Variants in SLC1A6 observed in about 807,000 individuals in gnomAD.
SLC1A6 encodes the protein excitatory amino acid transporter 4.
Under a neutral mutation model 42.1 loss-of-function variants are expected in SLC1A6, and 15 were observed. The observed-to-expected ratio is 0.36, with a 90% CI of 0.24 to 0.55. The LOEUF is 0.55. Among genes scored for constraint, SLC1A6 ranks in the 20% least tolerant of loss-of-function variants. SLC1A6 has a pLI of 0.88. For missense variants in SLC1A6, 542 were observed against 772.5 expected (o/e 0.70, Z 3.54); for synonymous variants, 317 against 319.7 (o/e 0.99, Z 0.09).
intron 1 of SLC1A6, among the ~76,000 whole-genome samples, chr19:14,996,026 G>A (rs917772065): frequency 6.6e-6 from 1 of 152,150 alleles, no homozygotes; most frequent in African/African-American, 2.4e-5. Flanking sequence ...AATGCAGAAA[G>A]AATAGAAGGA....
chr19:14,959,599 T>C (rs894665712), intron 6 of SLC1A6, among the ~76,000 whole-genome samples: 1 of 152,248 alleles, frequency 6.6e-6, no homozygotes, highest in Admixed American at 6.5e-5. Flanking sequence ...TTTGGGATGA[T>C]GTACAAAGTC....
At chr19:14,970,685 T>C (rs2145199906) in intron 3 of SLC1A6, among the ~76,000 whole-genome samples, 1 of 151,496 alleles carries the variant, frequency 6.6e-6, no homozygotes, top group East Asian at 1.9e-4. Flanking sequence ...CACTCCAGCC[T>C]GGGCAACGGA....
In SLC1A6 at chr19:14,979,505, C is replaced by G. The variant is rs574577633; in HGVS notation, c.-204G>C. ...GTCCCCGCGCCGAGCCGCGGAGTCCCCACTCACCGGCGTCCGGAGCGGCGG... is the reference window on the plus strand; with the variant it reads ...GTCCCCGCGCCGAGCCGCGGAGTCCGCACTCACCGGCGTCCGGAGCGGCGG... On this transcript the variant is annotated 5_prime_UTR_variant, in exon 1 of 10. Transcript: ENST00000594383. The surrounding 1 kb of genome is among the most constrained non-coding windows in gnomAD (Gnocchi z 4.2). 24 of 151,744 alleles carry G rather than the reference C, an allele frequency of 1.6e-4. No individual in the cohort carries two copies. In the East Asian group the frequency reaches 4.3e-3, roughly 27 times the overall value. The allele number at this position is 151,744 out of a possible 1,614,324, so 9.4% of individuals were successfully genotyped here.
chr19:14,957,156 T>A (rs1163087951), intron 6 of SLC1A6, among the ~76,000 whole-genome samples: 1 of 152,172 alleles, frequency 6.6e-6, no homozygotes, highest in East Asian at 1.9e-4. Flanking sequence ...GCCCCTATTC[T>A]CTTCCCTATC....
upstream of SLC1A6, chr19:15,010,643 C>T (rs2045922284): frequency 2.0e-5 from 14 of 690,842 alleles, no homozygotes; most frequent in South Asian, 2.2e-4. Context: ...AGTTCCAAAG[C>T]AAAGACTCCA....
In SLC1A6 at chr19:15,008,759, G is replaced by A. The variant is rs551804320; in HGVS notation, c.6+1726C>T. On this transcript the variant is annotated intron_variant, in intron 1 of 8. Coordinates refer to the SLC1A6 transcript ENST00000430939. The stretch of plus-strand genomic sequence containing the variant: ...AGCATTTTGGGAGGTCAAGGAAGTC[G>A]AATTGCTTGAGTCCAAGAGTTTGAA... Among the ~76,000 whole-genome samples the A allele has an allele frequency of 3.1e-4, 47 of 151,880 alleles. 2 individuals carry two copies. The South Asian group carries it at 8.7e-3, about 28-fold the overall frequency.
At position 15,010,193 on chromosome 19, in the gene SLC1A6, AAAAAG is replaced by A. The variant is rs1175427487; in HGVS notation, c.6+287_6+291del. Among the ~76,000 whole-genome samples the A allele has an allele frequency of 2.4e-4, 26 of 107,880 alleles. 1 individual carries two copies. The highest frequency in any genetic ancestry group is 1.2e-3 in the South Asian group (3 of 2,494). 70.8% of individuals were successfully genotyped at this position (107,880 alleles called of 152,430 possible). A position where few individuals can be genotyped will look rare whatever the true frequency, so the allele number is the denominator to read the frequency against. Reference sequence around the variant, plus strand: ...AGTGCAAGACTCTATGAAAAAAAAAAAAAAGAAAGAAAGAAAAAAGAAAGAGAGAG... The same window carrying A: ...AGTGCAAGACTCTATGAAAAAAAAAAAAAGAAAGAAAAAAGAAAGAGAGAG... On this transcript the variant is annotated intron_variant, in intron 1 of 8. Coordinates refer to the SLC1A6 transcript ENST00000430939.
intron 1 of SLC1A6, chr19:14,974,755 T>C (rs1392929347): frequency 1.3e-5 from 2 of 152,036 alleles, no homozygotes; most frequent in South Asian, 2.1e-4. Context: ...TTTTGTGTTA[T>C]GTGAATTCCC....
intron 1 of SLC1A6, among the ~76,000 whole-genome samples, chr19:15,004,000 CA>C (rs1387138477): frequency 6.6e-6 from 1 of 151,882 alleles, no homozygotes; most frequent in Non-Finnish European, 1.5e-5. Context: ...TATTAAAATA[CA>C]AAAAATTAGC....
At chr19:15,000,369 C>CA (rs2045866946) in intron 1 of SLC1A6, among the ~76,000 whole-genome samples, 1 of 152,168 alleles carries the variant, frequency 6.6e-6, no homozygotes, top group African/African-American at 2.4e-5. Flanking sequence ...AACATCTCCC[C>CA]AATTGCCCCC....
chr19:14,991,401 G>A (rs2045819246), intron 1 of SLC1A6, among the ~76,000 whole-genome samples: 1 of 152,182 alleles, frequency 6.6e-6, no homozygotes, highest in Non-Finnish European at 1.5e-5. Flanking sequence ...AAGGTGGATA[G>A]ATCACTAGAG....
chr19:14,996,941 G>A (rs1264156220), intron 1 of SLC1A6, among the ~76,000 whole-genome samples: 1 of 152,214 alleles, frequency 6.6e-6, no homozygotes, highest in African/African-American at 2.4e-5. Flanking sequence ...TTCCTTGGAG[G>A]ATCTGGTGGG....
At chr19:14,988,674 G>A (rs1272371764) in intron 1 of SLC1A6, among the ~76,000 whole-genome samples, 2 of 152,180 alleles carry the variant, frequency 1.3e-5, no homozygotes, top group Admixed American at 6.5e-5. Context: ...GCAACAACTT[G>A]GATGGAGCTG....
chr19:14,953,298 C>CCT lies in SLC1A6; in HGVS notation c.1365-238_1365-237dup, dbSNP rs1217661070. Among the ~76,000 whole-genome samples the CCT allele has an allele frequency of 2.7e-5, 4 of 147,274 alleles. No homozygotes were observed. In the East Asian group the frequency reaches 8.1e-4, roughly 30 times the overall value. ...GCCTCACCTTGCCCCTGCCTCGCCT[C>CCT]CTCTCTCTCTCTCCCAGGCTGAAGT... On this transcript the variant is annotated intron_variant, in intron 8 of 9. Transcript: ENST00000594383.
intron 1 of SLC1A6, among the ~76,000 whole-genome samples, chr19:15,000,873 A>G (rs1161299786): frequency 6.6e-6 from 1 of 152,178 alleles, no homozygotes; most frequent in African/African-American, 2.4e-5. Flanking sequence ...CATCACATTC[A>G]CATGTACCAC....
intron 4 of SLC1A6, 144 bp downstream of exon 4, chr19:14,968,159 C>T (rs1484669695): frequency 4.5e-6 from 3 of 662,184 alleles, no homozygotes; most frequent in Admixed American, 2.8e-5. Context: ...CCAACCCCTC[C>T]TCCTTAGAAG....
At chr19:14,959,518 T>C (rs2045490595) in intron 6 of SLC1A6, among the ~76,000 whole-genome samples, 1 of 152,252 alleles carries the variant, frequency 6.6e-6, no homozygotes, top group East Asian at 1.9e-4. Flanking sequence ...TATTTCTTTA[T>C]GGCACTGGGG....
chr19:15,002,123 T>C (rs534632680), intron 1 of SLC1A6, among the ~76,000 whole-genome samples: 1 of 152,270 alleles, frequency 6.6e-6, no homozygotes, highest in East Asian at 1.9e-4. Flanking sequence ...AGGATCTTGC[T>C]GTGTTACCCA....
chr19:14,983,421 A>G (rs1275896622), upstream of SLC1A6, among the ~76,000 whole-genome samples: 1 of 151,946 alleles, frequency 6.6e-6, no homozygotes. Flanking sequence ...GGTGGCTCAC[A>G]CTTGCAATCC....
Sources: gnomAD v4.1 joint callset for allele counts (sites outside exome capture counted in the v4.1 genomes callset) on GRCh38, gnomAD v4.1.1 for gene constraint, Gnocchi (gnomAD v3.1) non-coding constraint, MANE v1.5 for transcripts, NCBI Gene and HGNC (gene_info 2026-07-23, HGNC 2026-07-21) for gene names.